Variants in MYO5B observed in about 807,000 individuals in gnomAD.
MYO5B encodes unconventional myosin-Vb.
A neutral mutation model predicts 229.3 loss-of-function variants in MYO5B; 143 were observed. The observed-to-expected ratio is 0.62, with a 90% CI of 0.54 to 0.72. The LOEUF (loss-of-function observed/expected upper bound fraction) is 0.72. Among genes scored for constraint, MYO5B ranks in the 30% least tolerant of loss-of-function variants. The probability of loss-of-function intolerance (pLI) is 0.00; values close to 1 mark genes in which losing one functional copy is unlikely to be tolerated. For synonymous variants in MYO5B, 918 were observed against 885.2 expected, an observed-to-expected ratio of 1.04 and a Z score of -0.66; for missense variants, 2,321 against 2,331.0, an observed-to-expected ratio of 1.00 and a Z score of 0.09.
intron 1 of MYO5B, among the ~76,000 whole-genome samples, chr18:50,147,712 C>A (rs1304015274): frequency 6.6e-6 from 1 of 152,140 alleles, no homozygotes; most frequent in Non-Finnish European, 1.5e-5. Context: ...ACCTCACTGA[C>A]CTCACCGAAA....
intron 8 of MYO5B, among the ~76,000 whole-genome samples, chr18:49,981,397 G>T (rs936884383): frequency 2.0e-5 from 3 of 152,164 alleles, no homozygotes; most frequent in African/African-American, 7.2e-5. Flanking sequence ...CTAAAAAACA[G>T]TAACACCTGT....
At chr18:50,039,493 G>A (rs749650981) in intron 3 of MYO5B, among the ~76,000 whole-genome samples, 168 of 151,922 alleles carry the variant, frequency 1.1e-3, no homozygotes, top group Non-Finnish European at 1.5e-3. Context: ...CACCACACCC[G>A]GCTAATTTTT....
chr18:49,958,908 G>C (rs2025525888), intron 12 of MYO5B, among the ~76,000 whole-genome samples: 1 of 152,128 alleles, frequency 6.6e-6, no homozygotes, highest in South Asian at 2.1e-4. Flanking sequence ...CAGTCTGGGA[G>C]ACCTGCTGAT....
intron 17 of MYO5B, among the ~76,000 whole-genome samples, chr18:49,925,501 G>T (rs2025119490): frequency 6.6e-6 from 1 of 152,246 alleles, no homozygotes. Flanking sequence ...ATTTGGCTCA[G>T]AAGAAATCTC....
chr18:50,125,393 G>C (rs12953924), intron 1 of MYO5B, among the ~76,000 whole-genome samples: 27,358 of 111,230 alleles, frequency 0.25, 3,376 homozygotes, highest in Non-Finnish European at 0.3. Flanking sequence ...AGGGGGAAGG[G>C]ATAGCATTAG....
At chr18:49,955,075 T>C (rs2025478229) in intron 12 of MYO5B, among the ~76,000 whole-genome samples, 1 of 152,204 alleles carries the variant, frequency 6.6e-6, no homozygotes, top group Non-Finnish European at 1.5e-5. Flanking sequence ...GGACTGGCTG[T>C]GCCTTACGTT....
In MYO5B at chr18:50,147,951, A is replaced by T. The variant is rs1445225963; in HGVS notation, c.27+46816T>A. Among the ~76,000 whole-genome samples, 5 of 126,494 alleles carry T rather than the reference A, an allele frequency of 4.0e-5. No homozygotes were observed. In the South Asian group the frequency reaches 1.2e-3, roughly 31 times the overall value. The allele number at this position is 126,494 out of a possible 152,430, so 83.0% of individuals were successfully genotyped here. On this transcript the variant is annotated intron_variant, in intron 1 of 39. Transcript: ENST00000285039. The stretch of plus-strand genomic sequence containing the variant: ...TAGACCACTAGCAAGACTAATAAAG[A>T]AAAAAAGAGAGAAGAATCAAATAGA...
intron 1 of MYO5B, among the ~76,000 whole-genome samples, chr18:50,186,603 G>A (rs2033152465): frequency 6.6e-6 from 1 of 152,138 alleles, no homozygotes; most frequent in South Asian, 2.1e-4. Flanking sequence ...CAGCAGGGAA[G>A]GGTTAGGGGA....
At chr18:49,840,389 T>G (rs1194388229) in intron 35 of MYO5B, 1 of 152,270 alleles carries the variant, frequency 6.6e-6, no homozygotes, top group Non-Finnish European at 1.5e-5. Flanking sequence ...GTGCTGGTTC[T>G]TAGGAGAGAG....
chr18:50,137,573 T>A (rs1370712519), intron 1 of MYO5B, among the ~76,000 whole-genome samples: 2 of 152,156 alleles, frequency 1.3e-5, no homozygotes, highest in Non-Finnish European at 2.9e-5. Context: ...AAGTTTCTCT[T>A]AGTTCCTCAA....
intron 39 of MYO5B, among the ~76,000 whole-genome samples, chr18:49,834,071 T>G (rs1018577344): frequency 6.6e-6 from 1 of 151,952 alleles, no homozygotes; most frequent in African/African-American, 2.4e-5. Flanking sequence ...CATTTAGGCT[T>G]TTTTTTTGCC....
chr18:50,192,606 A>G (rs1396174434), intron 1 of MYO5B, among the ~76,000 whole-genome samples: 1 of 152,192 alleles, frequency 6.6e-6, no homozygotes, highest in African/African-American at 2.4e-5. Flanking sequence ...CTTTTCTGCC[A>G]CAACAATGCT....
At chr18:49,845,352 G>A (rs992646639) in intron 33 of MYO5B, among the ~76,000 whole-genome samples, 1 of 152,134 alleles carries the variant, frequency 6.6e-6, no homozygotes, top group East Asian at 1.9e-4. Context: ...CCAAACAGCT[G>A]GAGCAAATCT....
intron 2 of MYO5B, among the ~76,000 whole-genome samples, chr18:50,040,991 C>G (rs2029999303): frequency 6.6e-6 from 1 of 152,098 alleles, no homozygotes; most frequent in Admixed American, 6.5e-5. Flanking sequence ...ACATTTATAA[C>G]CCTCGGTACA....
intron 11 of MYO5B, 52 bp from the exon 12 acceptor site, chr18:49,962,458 T>C (rs777425830): frequency 6.2e-7 from 1 of 1,612,988 alleles, no homozygotes; most frequent in Non-Finnish European, 8.5e-7. Context: ...ACCTTAACAT[T>C]CACCTCCCCC....
chr18:50,009,783 G>T (rs2026142937), intron 4 of MYO5B, among the ~76,000 whole-genome samples: 1 of 152,230 alleles, frequency 6.6e-6, no homozygotes, highest in African/African-American at 2.4e-5. Flanking sequence ...GGGCCGGAAT[G>T]TTCCAAGCAA....
chr18:49,883,967 C>A (rs2024616454), intron 22 of MYO5B, among the ~76,000 whole-genome samples: 1 of 152,128 alleles, frequency 6.6e-6, no homozygotes, highest in Admixed American at 6.5e-5. Flanking sequence ...ACTCAAAATG[C>A]ATTAAAGACT....
intron 29 of MYO5B, among the ~76,000 whole-genome samples, chr18:49,860,860 G>A (rs1489029041): frequency 6.6e-6 from 1 of 152,240 alleles, no homozygotes; most frequent in African/African-American, 2.4e-5. Context: ...GAAACGCAGA[G>A]CAGCTGTCTA....
chr18:49,875,117 G>C (rs2024503089), intron 26 of MYO5B, among the ~76,000 whole-genome samples: 1 of 152,164 alleles, frequency 6.6e-6, no homozygotes, highest in South Asian at 2.1e-4. Flanking sequence ...TCTGAATGCA[G>C]CATGGGTGCC....
Sources: allele counts gnomAD v4.1 joint callset (sites outside exome capture counted in the v4.1 genomes callset), GRCh38; gene constraint gnomAD v4.1.1; transcripts MANE v1.5; gene names NCBI Gene and HGNC (gene_info 2026-07-23, HGNC 2026-07-21).